Variants in LDLRAD4 observed in about 807,000 individuals in gnomAD.
The protein encoded by LDLRAD4 is low-density lipoprotein receptor class A domain-containing protein 4.
LDLRAD4 carries 5 observed loss-of-function variants against 17.0 expected under a neutral mutation model. The observed-to-expected ratio is 0.29, with a 90% CI of 0.15 to 0.62. The LOEUF (loss-of-function observed/expected upper bound fraction) is 0.62, where lower values mean the gene tolerates loss of function less well. LDLRAD4 is among the 20% of genes least tolerant of loss of function. LDLRAD4 has a pLI of 0.84. For synonymous variants in LDLRAD4, 168 were observed against 171.8 expected (o/e 0.98, Z 0.17); for missense variants, 340 against 424.7 (o/e 0.80, Z 1.75).
chr18:13,324,107 G>A (rs993631252), intron 1 of LDLRAD4, among the ~76,000 whole-genome samples: 6 of 151,768 alleles, frequency 4.0e-5, no homozygotes, highest in South Asian at 2.1e-4. Context: ...TTACACGTGC[G>A]TGGCTCCATT....
intron 3 of LDLRAD4, 166 bp from the exon 5 acceptor site, chr18:13,620,951 C>G: frequency 1.0e-6 from 1 of 973,722 alleles, no homozygotes; most frequent in Non-Finnish European, 1.6e-6. Flanking sequence ...GCCGTGGTGT[C>G]TCCTTCCCTA....
chr18:13,401,279 G>A (rs140802477), intron 2 of LDLRAD4, among the ~76,000 whole-genome samples: 4 of 152,058 alleles, frequency 2.6e-5, no homozygotes, highest in African/African-American at 9.6e-5. Flanking sequence ...TCCAAAGGAA[G>A]GGAGAAGCTG....
chr18:13,453,700 C>G (rs770902569), intron 3 of LDLRAD4, among the ~76,000 whole-genome samples: 19 of 152,246 alleles, frequency 1.2e-4, no homozygotes, highest in Non-Finnish European at 2.5e-4. Flanking sequence ...TGAGCCCCCG[C>G]TGAGATGAGA....
rs370931501 is a variant in LDLRAD4 at position 13,645,644 on chromosome 18, G to A, written c.908G>A (p.Gly303Glu). Residue 303 changes from glycine to glutamate, a missense_variant, in exon 6 of 6, where the codon GGG (glycine) becomes GAG (glutamate). By Grantham distance (98) the Gly-to-Glu change is moderately conservative. Coordinates refer to ENST00000359446, the Ensembl canonical transcript of LDLRAD4. This position sits in a 1 kb window ranked among gnomAD's most constrained non-coding sequence, Gnocchi z 5.7. ...ATCAAAGGCAAAGATAGGAAGCCTG[G>A]GAACCTGGTCTGATTCCTTCCAACG... 42 of 1,515,022 alleles carry A rather than the reference G, an allele frequency of 2.8e-5. No individual in the cohort carries two copies. Among genetic ancestry groups the A allele is most frequent in the Non-Finnish European group, 3.6e-5 (41 of 1,132,912 alleles). 93.8% of individuals were successfully genotyped at this position (1,515,022 alleles called of 1,614,324 possible).
rs551081780 is a variant in LDLRAD4 at position 13,485,415 on chromosome 18, C to T, written c.181+47031C>T. ...CGTGCCCTCGTGGCTCCTGGGCCTC[C>T]GCCTGCTTCCTGTTGGGCATGATGA... On this transcript the variant is annotated intron_variant, in intron 3 of 5. Coordinates refer to ENST00000359446, the Ensembl canonical transcript of LDLRAD4. 4.6e-5 allele frequency among the ~76,000 whole-genome samples: 7 copies of T among 152,360 alleles called. No individual in the cohort carries two copies. The South Asian group carries it at 6.2e-4, about 14-fold the overall frequency.
At chr18:13,272,063 T>G (rs539407613) in intron 1 of LDLRAD4, among the ~76,000 whole-genome samples, 72 of 152,202 alleles carry the variant, frequency 4.7e-4, no homozygotes, top group African/African-American at 1.6e-3. Context: ...GCCTAGCTAA[T>G]TTTTGTATTT....
intron 1 of LDLRAD4, among the ~76,000 whole-genome samples, chr18:13,303,064 G>T (rs1185173119): frequency 1.3e-5 from 2 of 152,166 alleles, no homozygotes; most frequent in Non-Finnish European, 2.9e-5. Flanking sequence ...TTCTCCAGTG[G>T]CCTGGGGCTG....
chr18:13,346,862 G>C (rs934523130), intron 1 of LDLRAD4, among the ~76,000 whole-genome samples: 5 of 152,106 alleles, frequency 3.3e-5, no homozygotes, highest in African/African-American at 1.2e-4. Flanking sequence ...GATCTTTGTT[G>C]GTTTAAAGTC....
chr18:13,370,813 C>T (rs561687021), intron 1 of LDLRAD4, among the ~76,000 whole-genome samples: 2 of 151,086 alleles, frequency 1.3e-5, no homozygotes, highest in African/African-American at 2.4e-5. Flanking sequence ...TGGGTTCAAG[C>T]GATTCTCCTG....
chr18:13,553,678 T>C (rs1686580117), intron 3 of LDLRAD4, among the ~76,000 whole-genome samples: 1 of 152,238 alleles, frequency 6.6e-6, no homozygotes, highest in Admixed American at 6.5e-5. Flanking sequence ...TCTTTCCTGA[T>C]GCGGGCTTCC....
chr18:13,230,825 C>T (rs926518398), intron 1 of LDLRAD4, among the ~76,000 whole-genome samples: 1 of 152,240 alleles, frequency 6.6e-6, no homozygotes, highest in Non-Finnish European at 1.5e-5. Context: ...CCCTGACTCT[C>T]CTAGGCTCCT....
At position 13,580,111 on chromosome 18, in the gene LDLRAD4, CT is replaced by C. The variant is rs199625726; in HGVS notation, c.182-41003del. Among the ~76,000 whole-genome samples the C allele has an allele frequency of 5.3e-3, 812 of 152,350 alleles. 5 individuals carry two copies. Among genetic ancestry groups the C allele is most frequent in the African/African-American group, 0.019 (772 of 41,576 alleles). On this transcript the variant is annotated intron_variant, in intron 3 of 5. Coordinates refer to ENST00000359446, the Ensembl canonical transcript of LDLRAD4. ...CCACTGACACTTCTCCTCAGGATGACTTTCAGGGCTCCAGGCTGCTCTTCTT... is the reference window on the plus strand; with the variant it reads ...CCACTGACACTTCTCCTCAGGATGACTTCAGGGCTCCAGGCTGCTCTTCTT...
At chr18:13,452,624 A>C (rs897481383) in intron 3 of LDLRAD4, among the ~76,000 whole-genome samples, 1 of 152,100 alleles carries the variant, frequency 6.6e-6, no homozygotes, top group African/African-American at 2.4e-5. Flanking sequence ...GGGGAGTTGG[A>C]AAAATACCGA....
chr18:13,418,224 A>AC (rs2089113223), intron 2 of LDLRAD4, among the ~76,000 whole-genome samples: 2 of 151,826 alleles, frequency 1.3e-5, no homozygotes, highest in Admixed American at 6.6e-5. Flanking sequence ...CCAGAAGTGA[A>AC]CTCCTCTGTA....
At chr18:13,235,655 G>A (rs931144170) in intron 1 of LDLRAD4, among the ~76,000 whole-genome samples, 6 of 152,212 alleles carry the variant, frequency 3.9e-5, no homozygotes, top group Admixed American at 6.5e-5. Flanking sequence ...ATGGCTTTTA[G>A]CCTGTGTAAT....
chr18:13,616,442 C>A (rs941785647), intron 3 of LDLRAD4, among the ~76,000 whole-genome samples: 3 of 152,184 alleles, frequency 2.0e-5, no homozygotes, highest in African/African-American at 7.2e-5. Flanking sequence ...GAAGAGAGTA[C>A]AATGCTCATC....
intron 1 of LDLRAD4, among the ~76,000 whole-genome samples, chr18:13,287,155 C>T (rs1021779715): frequency 3.3e-5 from 5 of 152,098 alleles, no homozygotes; most frequent in Admixed American, 6.5e-5. Flanking sequence ...CCCACCAGGA[C>T]GTAGAGGAAA....
intron 1 of LDLRAD4, among the ~76,000 whole-genome samples, chr18:13,316,337 G>T (rs1236451230): frequency 6.6e-6 from 1 of 152,168 alleles, no homozygotes; most frequent in East Asian, 1.9e-4. Context: ...CTTTAAAGTG[G>T]AGAAAGTAAC....
In LDLRAD4 at chr18:13,620,998, G is replaced by A. The variant is rs375290095; in HGVS notation, c.182-119G>A. 1.9e-5 allele frequency: 27 copies of A among 1,395,448 alleles called. No homozygotes were observed. The South Asian group carries it at 2.6e-4, about 13-fold the overall frequency. 86.4% of individuals were successfully genotyped at this position (1,395,448 alleles called of 1,614,324 possible). ...TCGTTTCTGTGTCCTGCTGGCCTCT[G>A]AGGAACAGACGTGTGTGAGAGGCCT... On this transcript the variant is annotated intron_variant, in intron 3 of 5. Transcript: ENST00000359446.
Sources: gnomAD v4.1 joint callset for allele counts (sites outside exome capture counted in the v4.1 genomes callset) on GRCh38, gnomAD v4.1.1 for gene constraint, Gnocchi (gnomAD v3.1) non-coding constraint, MANE v1.5 for transcripts, NCBI Gene and HGNC (gene_info 2026-07-23, HGNC 2026-07-21) for gene names.